The following STK33 variants were observed in gnomAD, a reference collection of about 807,000 sequenced individuals.
The protein encoded by STK33 is serine/threonine kinase 33, also known as serine/threonine-protein kinase 33.
Under a neutral mutation model 58.0 loss-of-function variants are expected in STK33, and 52 were observed. The observed-to-expected ratio is 0.90, with a 90% CI of 0.72 to 1.13. STK33 has a LOEUF of 1.13. STK33 is among the 50% of genes most tolerant of loss of function. The pLI, the probability that STK33 is intolerant of heterozygous loss-of-function variation, is 0.00. For missense variants in STK33, 630 were observed against 604.2 expected (o/e 1.04, Z -0.45); for synonymous variants, 215 against 200.1 (o/e 1.07, Z -0.63).
intron 2 of STK33, among the ~76,000 whole-genome samples, chr11:8,478,628 A>G (rs1313434222): frequency 6.6e-6 from 1 of 152,210 alleles, no homozygotes; most frequent in Non-Finnish European, 1.5e-5. Flanking sequence ...TTTATAAGAT[A>G]TAACTAGCTA....
chr11:8,528,415 A>C (rs1471639836), intron 1 of STK33, among the ~76,000 whole-genome samples: 1 of 152,226 alleles, frequency 6.6e-6, no homozygotes, highest in Non-Finnish European at 1.5e-5. Flanking sequence ...TAAACAATTT[A>C]GGAACTGCTC....
At chr11:8,412,529 T>A (rs992372005) in intron 15 of STK33, among the ~76,000 whole-genome samples, 1 of 152,166 alleles carries the variant, frequency 6.6e-6, no homozygotes, top group African/African-American at 2.4e-5. Context: ...ACTGAGAGGA[T>A]TCTTGGCATG....
At chr11:8,444,872 G>T (rs555517477) in intron 11 of STK33, among the ~76,000 whole-genome samples, 4 of 152,102 alleles carry the variant, frequency 2.6e-5, no homozygotes, top group Admixed American at 2.6e-4. Flanking sequence ...TATCTAAAAG[G>T]TTCATTTTTT....
chr11:8,474,370 A>C (rs1480218761), intron 5 of STK33, among the ~76,000 whole-genome samples: 3 of 152,164 alleles, frequency 2.0e-5, no homozygotes. Flanking sequence ...TGAAGAAAAT[A>C]CTCAAAAATT....
Position 8,457,323 on chromosome 11 carries a change from G to C in STK33, c.697+18C>G. On this transcript the variant is annotated intron_variant, in intron 9 of 15. Transcript: ENST00000687296. The stretch of plus-strand genomic sequence containing the variant: ...TTAGTATTCATGGGGTCAATGAGCT[G>C]GATAACCCTCTTCTTACCATTATTG... The C allele has an allele frequency of 3.3e-6, 5 of 1,533,462 alleles. No individual in the cohort carries two copies. The highest frequency in any genetic ancestry group is 4.4e-6 in the Non-Finnish European group (5 of 1,125,414). 95.0% of individuals were successfully genotyped at this position (1,533,462 alleles called of 1,614,324 possible). A position where few individuals can be genotyped will look rare whatever the true frequency, so the allele number is the denominator to read the frequency against.
the STK33 span, among the ~76,000 whole-genome samples, chr11:8,345,767 C>T: frequency 3.3e-5 from 5 of 152,052 alleles, no homozygotes; most frequent in African/African-American, 4.8e-5. Context: ...TCATTCTGAC[C>T]GAAGAGGACA....
chr11:8,494,190 T>C (rs1224046265), intron 1 of STK33, among the ~76,000 whole-genome samples: 1 of 152,188 alleles, frequency 6.6e-6, no homozygotes, highest in Non-Finnish European at 1.5e-5. Context: ...ATTGTATATT[T>C]AGAAAACCCC....
intron 1 of STK33, among the ~76,000 whole-genome samples, chr11:8,565,081 C>G (rs961530120): frequency 6.6e-6 from 1 of 151,992 alleles, no homozygotes. Flanking sequence ...AGGGCATCTC[C>G]GGGAGTGTCA....
At chr11:8,415,507 A>G (rs115670587) in intron 14 of STK33, among the ~76,000 whole-genome samples, 1,929 of 152,256 alleles carry the variant, frequency 0.013, 48 homozygotes, top group African/African-American at 0.045. Context: ...ACAGAAGCAT[A>G]GAGATGGAGT....
At chr11:8,580,722 T>C (rs376752207) in intron 1 of STK33, 4 of 152,150 alleles carry the variant, frequency 2.6e-5, no homozygotes, top group African/African-American at 9.7e-5. Context: ...TATCAAAGTA[T>C]CTCATGTATC....
intron 9 of STK33, among the ~76,000 whole-genome samples, chr11:8,456,767 A>G (rs1381655651): frequency 6.6e-6 from 1 of 152,260 alleles, no homozygotes; most frequent in Non-Finnish European, 1.5e-5. Context: ...GTATGATACT[A>G]TAATGGTGGA....
intron 2 of STK33, among the ~76,000 whole-genome samples, chr11:8,479,153 G>A (rs143052438): frequency 1.3e-5 from 2 of 152,234 alleles, no homozygotes; most frequent in South Asian, 2.1e-4. Flanking sequence ...GGTGGCTCAC[G>A]CCTGTAATCC....
At chr11:8,533,066 GAAT>G (rs749717650) in intron 1 of STK33, among the ~76,000 whole-genome samples, 2 of 152,152 alleles carry the variant, frequency 1.3e-5, no homozygotes, top group Non-Finnish European at 2.9e-5. Context: ...GAAAGAATAT[GAAT>G]AATGTTTCAA....
At chr11:8,461,659 T>C in intron 8 of STK33, 146 bp downstream of exon 8, 1 of 486,252 alleles carries the variant, frequency 2.1e-6, no homozygotes, top group South Asian at 5.0e-5. Context: ...ATAAAAGTCC[T>C]CCAGAATGTT....
chr11:8,548,067 C>T (rs1013149566), intron 1 of STK33, among the ~76,000 whole-genome samples: 3 of 151,386 alleles, frequency 2.0e-5, no homozygotes, highest in Admixed American at 6.6e-5. Context: ...ATGTAAATGA[C>T]GAGTTAATGG....
At chr11:8,407,683 A>C (rs1019201078) in intron 15 of STK33, among the ~76,000 whole-genome samples, 2 of 151,144 alleles carry the variant, frequency 1.3e-5, no homozygotes, top group Non-Finnish European at 2.9e-5. Context: ...GAATAGAAAA[A>C]AAAAGATTAA....
intron 14 of STK33, among the ~76,000 whole-genome samples, chr11:8,428,405 ACT>A (rs1232154304): frequency 6.6e-6 from 1 of 152,198 alleles, no homozygotes; most frequent in African/African-American, 2.4e-5. Context: ...AGCCTCACCC[ACT>A]ATCCATACCA....
At chr11:8,565,924 T>C (rs529015118) in intron 1 of STK33, 3 of 152,358 alleles carry the variant, frequency 2.0e-5, no homozygotes, top group Admixed American at 6.5e-5. Context: ...CTTCCCTCCC[T>C]GTCCTGGCCT....
intron 2 of STK33, among the ~76,000 whole-genome samples, chr11:8,478,585 C>A (rs1459298725): frequency 6.6e-6 from 1 of 152,118 alleles, no homozygotes; most frequent in Non-Finnish European, 1.5e-5. Flanking sequence ...ACACTTACAG[C>A]AATTTCCTCA....
Sources: gnomAD v4.1 joint callset for allele counts (sites outside exome capture counted in the v4.1 genomes callset) on GRCh38, gnomAD v4.1.1 for gene constraint, MANE v1.5 for transcripts, NCBI Gene and HGNC (gene_info 2026-07-23, HGNC 2026-07-21) for gene names.